ZNF610: variants seen among roughly 807,000 people sequenced by gnomAD.
ZNF610 encodes zink finger protein.
ZNF610 carries 14 observed loss-of-function variants against 14.1 expected under a neutral mutation model. The observed-to-expected ratio is 0.99, with a 90% CI of 0.65 to 1.55. ZNF610 has a LOEUF of 1.55. Ranked by LOEUF, ZNF610 falls within the 40% of genes most tolerant of loss-of-function variation. The probability of loss-of-function intolerance (pLI) is 0.00; values close to 1 mark genes in which losing one functional copy is unlikely to be tolerated. For synonymous variants in ZNF610, 185 were observed against 187.6 expected (o/e 0.99, Z 0.11); for missense variants, 530 against 558.0 (o/e 0.95, Z 0.51).
At chr19:52,337,265 A>G (rs1400913729) in intron 1 of ZNF610, among the ~76,000 whole-genome samples, 1 of 146,002 alleles carries the variant, frequency 6.8e-6, no homozygotes, top group African/African-American at 2.8e-5. Context: ...GCTGATGACA[A>G]GGAGAGCAGA....
intron 5 of ZNF610, among the ~76,000 whole-genome samples, chr19:52,361,616 T>C (rs1483706015): frequency 9.7e-6 from 1 of 103,302 alleles, no homozygotes; most frequent in South Asian, 2.9e-4. Context: ...AAAATTTATT[T>C]TAATTTAAAA....
intron 1 of ZNF610, among the ~76,000 whole-genome samples, chr19:52,345,718 T>C (rs1350191233): frequency 2.6e-5 from 4 of 152,036 alleles, no homozygotes; most frequent in Non-Finnish European, 4.4e-5. Context: ...TTTTATTTTT[T>C]TTTGGAGATG....
chr19:52,352,818 T>G lies in ZNF610; in HGVS notation c.64-864T>G, dbSNP rs186134011. On this transcript the variant is annotated intron_variant, in intron 3 of 5. Coordinates refer to ENST00000403906, the MANE Select transcript of ZNF610 (RefSeq NM_001161425.2). ...TTGATTATGATGTTTTATGAGATGT[T>G]CTTGTTTAATATCATGTTTTTTTTG... Among the ~76,000 whole-genome samples, 232 of 146,456 alleles carry G rather than the reference T, an allele frequency of 1.6e-3. 1 individual carries two copies. The highest frequency in any genetic ancestry group is 5.7e-3 in the African/African-American group (225 of 39,472).
At chr19:52,344,691 G>A (rs897008900) in intron 1 of ZNF610, among the ~76,000 whole-genome samples, 1 of 152,140 alleles carries the variant, frequency 6.6e-6, no homozygotes, top group Non-Finnish European at 1.5e-5. Context: ...GAGTTTAACC[G>A]TGGTCTGAAA....
At chr19:52,356,934 A>G (rs1005869778) in intron 5 of ZNF610, among the ~76,000 whole-genome samples, 1 of 152,214 alleles carries the variant, frequency 6.6e-6, no homozygotes, top group African/African-American at 2.4e-5. Context: ...ACTTCCACCA[A>G]TAAGCAATCA....
upstream of ZNF610, among the ~76,000 whole-genome samples, chr19:52,334,663 G>A (rs1202062221): frequency 6.6e-6 from 1 of 152,072 alleles, no homozygotes; most frequent in Non-Finnish European, 1.5e-5. Context: ...AAACATATAA[G>A]ATGATTTAAC....
intron 1 of ZNF610, among the ~76,000 whole-genome samples, chr19:52,344,372 C>G (rs888167206): frequency 6.6e-6 from 1 of 152,102 alleles, no homozygotes; most frequent in Non-Finnish European, 1.5e-5. Context: ...CCCAACTCTC[C>G]TCCATTTTGA....
intron 1 of ZNF610, among the ~76,000 whole-genome samples, chr19:52,344,387 G>C (rs8100838): frequency 0.61 from 92,048 of 151,546 alleles, 28,552 homozygotes; most frequent in African/African-American, 0.73. Context: ...TTTTGAAGCT[G>C]TGTGTGTTTC....
intron 1 of ZNF610, among the ~76,000 whole-genome samples, chr19:52,336,937 TG>T (rs1401107816): frequency 6.6e-6 from 1 of 152,048 alleles, no homozygotes; most frequent in African/African-American, 2.4e-5. Flanking sequence ...TGCCTATGGA[TG>T]TGTGGGGAAA....
At chr19:52,347,519 G>A (rs747704548) in intron 1 of ZNF610, among the ~76,000 whole-genome samples, 188 bp from the exon 2 acceptor site, 4 of 152,158 alleles carry the variant, frequency 2.6e-5, no homozygotes, top group Non-Finnish European at 4.4e-5. Flanking sequence ...TACACAGTAA[G>A]TATGTATTTA....
At position 52,350,615 on chromosome 19, in the gene ZNF610, T is replaced by C. The variant is rs1403267289; in HGVS notation, c.63+1380T>C. On this transcript the variant is annotated intron_variant, in intron 3 of 5. Transcript: ENST00000403906. ...ATTGCTTGAACCTGGGAGGCGGAGG[T>C]TGCAGTGAGCCAAGGTCACGCCACT... Among the ~76,000 whole-genome samples the C allele has an allele frequency of 5.6e-5, 8 of 143,694 alleles. No individual in the cohort carries two copies. In the East Asian group the frequency reaches 6.2e-4, roughly 11 times the overall value. 94.3% of individuals were successfully genotyped at this position (143,694 alleles called of 152,430 possible).
chr19:52,349,087 G>A, intron 2 of ZNF610, 67 bp from the exon 3 acceptor site: 3 of 1,152,968 alleles, frequency 2.6e-6, no homozygotes, highest in Non-Finnish European at 3.9e-6. Flanking sequence ...ACCTGTGTGT[G>A]TGGTTGTGGC....
chr19:52,344,492 C>T (rs1240290859), intron 1 of ZNF610, among the ~76,000 whole-genome samples: 4 of 152,174 alleles, frequency 2.6e-5, no homozygotes, highest in Non-Finnish European at 5.9e-5. Flanking sequence ...GCTGGCTCAA[C>T]CCCTCTGAGT....
At chr19:52,342,580 C>T (rs1165510665) in intron 1 of ZNF610, among the ~76,000 whole-genome samples, 1 of 148,112 alleles carries the variant, frequency 6.8e-6, no homozygotes, top group Non-Finnish European at 1.5e-5. Flanking sequence ...AGTGTAGTGG[C>T]GCAATCTCGG....
chr19:52,341,448 T>A (rs1427690080), intron 1 of ZNF610, among the ~76,000 whole-genome samples: 3 of 151,956 alleles, frequency 2.0e-5, no homozygotes, highest in Non-Finnish European at 2.9e-5. Context: ...TAGCTGGGAT[T>A]ACAAGCACAC....
At chr19:52,336,827 G>A (rs1378835826) in intron 1 of ZNF610, among the ~76,000 whole-genome samples, 1 of 152,166 alleles carries the variant, frequency 6.6e-6, no homozygotes, top group Non-Finnish European at 1.5e-5. Flanking sequence ...GTGTGGGGAC[G>A]TGACTTCTTC....
intron 2 of ZNF610, among the ~76,000 whole-genome samples, chr19:52,348,924 G>A (rs1398665689): frequency 7.2e-5 from 11 of 152,160 alleles, no homozygotes; most frequent in Non-Finnish European, 1.6e-4. Flanking sequence ...GCTCCCTACT[G>A]CTGTAGCGTG....
intron 5 of ZNF610, among the ~76,000 whole-genome samples, chr19:52,356,941 A>G (rs10406085): frequency 0.016 from 2,461 of 152,238 alleles, 47 homozygotes; most frequent in African/African-American, 0.051. Flanking sequence ...CCAATAAGCA[A>G]TCAGTTCTGC....
At chr19:52,340,915 A>G (rs2122177500) in intron 1 of ZNF610, among the ~76,000 whole-genome samples, 1 of 152,064 alleles carries the variant, frequency 6.6e-6, no homozygotes, top group Admixed American at 6.5e-5. Flanking sequence ...TCCTGACCTC[A>G]GGTGATCTGC....
Sources: allele counts gnomAD v4.1 joint callset (sites outside exome capture counted in the v4.1 genomes callset), GRCh38; gene constraint gnomAD v4.1.1; transcripts MANE v1.5; gene names NCBI Gene and HGNC (gene_info 2026-07-23, HGNC 2026-07-21).